Variants in TSPAN9 observed in about 807,000 individuals in gnomAD.
The protein encoded by TSPAN9 is tetraspanin 9.
TSPAN9 carries 16 observed loss-of-function variants against 31.0 expected under a neutral mutation model. The observed-to-expected ratio is 0.52, with a 90% confidence interval of 0.35 to 0.78. The LOEUF (loss-of-function observed/expected upper bound fraction) is 0.78. TSPAN9 is among the 30% of genes least tolerant of loss of function. TSPAN9 has a pLI of 0.01. For synonymous variants in TSPAN9, 145 were observed against 121.6 expected, an observed-to-expected ratio of 1.19 and a Z score of -1.27; for missense variants, 272 against 312.5, an observed-to-expected ratio of 0.87 and a Z score of 0.98.
intron 2 of TSPAN9, among the ~76,000 whole-genome samples, chr12:3,171,283 A>G (rs1703041837): frequency 6.6e-6 from 1 of 152,122 alleles, no homozygotes; most frequent in Non-Finnish European, 1.5e-5. Flanking sequence ...AAGCTATAGG[A>G]GGGCTTGTTT....
Position 3,170,071 on chromosome 12 carries a change from A to T in TSPAN9, c.-17-31106A>T, listed in dbSNP as rs564917561. Among the ~76,000 whole-genome samples, 4 of 152,284 alleles carry T rather than the reference A, an allele frequency of 2.6e-5. No individual in the cohort carries two copies. The highest frequency in any genetic ancestry group is 2.6e-4 in the Admixed American group (4 of 15,304). ...CTTTCTGGCTGCCGTGACCTTGAGC[A>T]AGTCCCTTTACTTCTCTCTGTTCCA... On this transcript the variant is annotated intron_variant, in intron 2 of 8. Coordinates refer to ENST00000011898, the MANE Select transcript of TSPAN9 (RefSeq NM_006675.5). The surrounding 1 kb of genome is among the most constrained non-coding windows in gnomAD (Gnocchi z 4.4).
intron 8 of TSPAN9, chr12:3,282,197 G>A (rs1591724935): frequency 6.8e-6 from 4 of 588,740 alleles, no homozygotes; most frequent in South Asian, 4.1e-5. Context: ...TGTGGTGACC[G>A]TGAGACCACA....
At chr12:3,238,863 C>T (rs888327023) in intron 3 of TSPAN9, among the ~76,000 whole-genome samples, 5 of 151,870 alleles carry the variant, frequency 3.3e-5, no homozygotes, top group African/African-American at 7.3e-5. Flanking sequence ...GTGGTGGGGC[C>T]GCCCTTTGTG....
intron 3 of TSPAN9, among the ~76,000 whole-genome samples, chr12:3,243,641 G>C (rs531466751): frequency 1.3e-5 from 2 of 152,284 alleles, no homozygotes; most frequent in African/African-American, 4.8e-5. Context: ...CCAGGCATCG[G>C]CCCTCCTGCT....
At chr12:3,250,456 A>C (rs1454984939) in intron 3 of TSPAN9, among the ~76,000 whole-genome samples, 2 of 152,058 alleles carry the variant, frequency 1.3e-5, no homozygotes, top group Non-Finnish European at 2.9e-5. Flanking sequence ...ATCATGTCTC[A>C]CTTTTTCACA....
intron 2 of TSPAN9, among the ~76,000 whole-genome samples, chr12:3,130,244 G>A (rs549672950): frequency 1.3e-5 from 2 of 152,356 alleles, no homozygotes; most frequent in South Asian, 4.1e-4. Context: ...TTTGGCAGCC[G>A]CTTGAAGCAG....
chr12:3,220,683 G>C (rs2098384022), intron 3 of TSPAN9, among the ~76,000 whole-genome samples: 1 of 152,168 alleles, frequency 6.6e-6, no homozygotes, highest in Admixed American at 6.5e-5. Context: ...CTGGCCTGTG[G>C]GGGATGTTAC....
At chr12:3,113,700 CAG>C (rs1156781009) in intron 2 of TSPAN9, among the ~76,000 whole-genome samples, 1 of 152,190 alleles carries the variant, frequency 6.6e-6, no homozygotes, top group Non-Finnish European at 1.5e-5. Context: ...GGGAGACCCT[CAG>C]GGGTGTGCCA....
At chr12:3,086,323 A>C (rs976972144) in intron 2 of TSPAN9, among the ~76,000 whole-genome samples, 50 of 96,110 alleles carry the variant, frequency 5.2e-4, no homozygotes, top group Non-Finnish European at 1.7e-4. Context: ...TTGGAGCCAA[A>C]TGTAGATTTT....
At chr12:3,156,547 G>A (rs936625910) in intron 2 of TSPAN9, among the ~76,000 whole-genome samples, 1 of 151,976 alleles carries the variant, frequency 6.6e-6, no homozygotes. Context: ...TGTCACCCAG[G>A]CTGGAGTGCA....
chr12:3,240,719 A>C (rs1051913078), intron 3 of TSPAN9, among the ~76,000 whole-genome samples: 1 of 152,202 alleles, frequency 6.6e-6, no homozygotes, highest in African/African-American at 2.4e-5. Flanking sequence ...TCTCTGCTGC[A>C]CTGTGGTGTT....
chr12:3,182,909 A>G (rs938979709), intron 2 of TSPAN9, among the ~76,000 whole-genome samples: 6 of 152,220 alleles, frequency 3.9e-5, no homozygotes, highest in Non-Finnish European at 7.3e-5. Context: ...AGCACAACAC[A>G]GAGTGGCGGA....
chr12:3,128,058 C>T (rs2098328139), intron 2 of TSPAN9, among the ~76,000 whole-genome samples: 2 of 152,174 alleles, frequency 1.3e-5, no homozygotes, highest in Admixed American at 6.5e-5. Context: ...TTTTCAGCTC[C>T]GTTGTAATCT....
chr12:3,135,242 C>T (rs2098331582), intron 2 of TSPAN9, among the ~76,000 whole-genome samples: 1 of 152,112 alleles, frequency 6.6e-6, no homozygotes, highest in South Asian at 2.1e-4. Context: ...CTCCACCACA[C>T]CTGGCTAAAT....
At chr12:3,204,211 A>G (rs1177140685) in intron 3 of TSPAN9, among the ~76,000 whole-genome samples, 1 of 152,212 alleles carries the variant, frequency 6.6e-6, no homozygotes, top group African/African-American at 2.4e-5. Context: ...AACTCTTCCC[A>G]TAGATCCCGG....
intron 2 of TSPAN9, among the ~76,000 whole-genome samples, chr12:3,135,540 C>T (rs758788968): frequency 6.2e-4 from 94 of 152,172 alleles, no homozygotes; most frequent in Middle Eastern, 3.2e-3. Flanking sequence ...TCAGCCAGCT[C>T]ATCATTCAGC....
chr12:3,186,426 T>C (rs2098361347), intron 2 of TSPAN9, among the ~76,000 whole-genome samples: 1 of 152,028 alleles, frequency 6.6e-6, no homozygotes, highest in East Asian at 1.9e-4. Flanking sequence ...GGAGTGGCAG[T>C]GCTGAGATCT....
chr12:3,079,961 T>C (rs1335542008), intron 1 of TSPAN9, among the ~76,000 whole-genome samples: 3 of 151,394 alleles, frequency 2.0e-5, no homozygotes, highest in Non-Finnish European at 2.9e-5. Flanking sequence ...TTTTTTTTTT[T>C]GGTAGAGACA....
At chr12:3,203,523 G>A (rs1436431143) in intron 3 of TSPAN9, among the ~76,000 whole-genome samples, 2 of 152,184 alleles carry the variant, frequency 1.3e-5, no homozygotes, top group Non-Finnish European at 2.9e-5. Context: ...TTTTCGTTAC[G>A]GTTGATAGCG....
Sources: gnomAD v4.1 joint callset for allele counts (sites outside exome capture counted in the v4.1 genomes callset) on GRCh38, gnomAD v4.1.1 for gene constraint, Gnocchi (gnomAD v3.1) non-coding constraint, MANE v1.5 for transcripts, NCBI Gene and HGNC (gene_info 2026-07-23, HGNC 2026-07-21) for gene names.